The following DOCK1 variants were observed in gnomAD, a reference collection of about 807,000 sequenced individuals.
The protein encoded by DOCK1 is dedicator of cytokinesis 1.
DOCK1 carries 138 observed loss-of-function variants against 262.7 expected under a neutral mutation model. The ratio of observed to expected loss-of-function variants is 0.53; its 90% CI spans 0.46 to 0.61. The LOEUF (loss-of-function observed/expected upper bound fraction) is 0.61. Ranked by LOEUF, DOCK1 falls within the 20% of genes least tolerant of loss-of-function variation. The pLI is 0.00. For synonymous variants in DOCK1, 866 were observed against 867.4 expected, an observed-to-expected ratio of 1.00 and a Z score of 0.03; for missense variants, 1,908 against 2,370.7, an observed-to-expected ratio of 0.80 and a Z score of 4.05.
chr10:127,271,394 C>T (rs1306634214), intron 29 of DOCK1, among the ~76,000 whole-genome samples: 1 of 152,152 alleles, frequency 6.6e-6, no homozygotes, highest in Non-Finnish European at 1.5e-5. Context: ...AATATACTTT[C>T]TCCATCTTCA....
chr10:127,320,513 G>T (rs2062473124), intron 29 of DOCK1, among the ~76,000 whole-genome samples: 1 of 152,176 alleles, frequency 6.6e-6, no homozygotes, highest in Non-Finnish European at 1.5e-5. Context: ...CCGGAAAGAG[G>T]TCAGAGCTGG....
At chr10:127,105,985 G>A (rs1157127694) in intron 23 of DOCK1, among the ~76,000 whole-genome samples, 3 of 151,946 alleles carry the variant, frequency 2.0e-5, no homozygotes, top group Admixed American at 6.6e-5. Context: ...GGCTGGTCTC[G>A]AACTCCTGAG....
intron 29 of DOCK1, among the ~76,000 whole-genome samples, chr10:127,336,591 G>C (rs1382642816): frequency 6.7e-6 from 1 of 150,304 alleles, no homozygotes; most frequent in Admixed American, 6.6e-5. Context: ...CCAGGCTGGA[G>C]TGCAGTGGCG....
chr10:126,952,610 C>T (rs1384323423), intron 1 of DOCK1, among the ~76,000 whole-genome samples: 1 of 116,684 alleles, frequency 8.6e-6, no homozygotes, highest in African/African-American at 3.3e-5. Flanking sequence ...TGATGTTATT[C>T]TTGGTAGTAT....
chr10:127,179,538 C>T (rs1024704060), intron 27 of DOCK1, among the ~76,000 whole-genome samples: 2 of 152,028 alleles, frequency 1.3e-5, no homozygotes, highest in African/African-American at 4.8e-5. Flanking sequence ...TTCTTTCTGA[C>T]GGCTGGATGA....
At chr10:127,151,990 G>A (rs1311842896) in intron 27 of DOCK1, among the ~76,000 whole-genome samples, 3 of 144,976 alleles carry the variant, frequency 2.1e-5, no homozygotes, top group African/African-American at 7.7e-5. Flanking sequence ...AATTATTTCA[G>A]TTAGGTTAAA....
At chr10:127,408,560 C>G (rs538562552) in intron 40 of DOCK1, among the ~76,000 whole-genome samples, 1 of 152,210 alleles carries the variant, frequency 6.6e-6, no homozygotes, top group African/African-American at 2.4e-5. Flanking sequence ...GGGGCCCCAC[C>G]TTAGCTCAAG....
At chr10:127,278,051 C>G (rs118057882) in intron 29 of DOCK1, among the ~76,000 whole-genome samples, 8,730 of 152,272 alleles carry the variant, frequency 0.057, 324 homozygotes, top group Non-Finnish European at 0.086. Context: ...CATGCGCACA[C>G]GCTTCCCTCT....
At chr10:127,145,347 CAT>C (rs2051708691) in intron 27 of DOCK1, among the ~76,000 whole-genome samples, 3 of 152,318 alleles carry the variant, frequency 2.0e-5, no homozygotes, top group African/African-American at 7.2e-5. Context: ...GTCTATGAAG[CAT>C]ATCTTATGCC....
intron 27 of DOCK1, among the ~76,000 whole-genome samples, chr10:127,142,760 C>T (rs2051391137): frequency 6.6e-6 from 1 of 152,200 alleles, no homozygotes; most frequent in Non-Finnish European, 1.5e-5. Flanking sequence ...ACTCTGTGCC[C>T]TGGGGCTGTG....
chr10:127,022,867 G>A (rs2042541772), intron 13 of DOCK1, among the ~76,000 whole-genome samples: 1 of 152,278 alleles, frequency 6.6e-6, no homozygotes, highest in East Asian at 1.9e-4. Context: ...GGACAATGGT[G>A]TGGGCTGCCA....
At chr10:127,198,743 T>TG (rs2057327311) in intron 27 of DOCK1, among the ~76,000 whole-genome samples, 1 of 39,350 alleles carries the variant, frequency 2.5e-5, no homozygotes, top group East Asian at 6.2e-4. Context: ...TGGCATCGCT[T>TG]CTTTTTTTTT....
intron 29 of DOCK1, among the ~76,000 whole-genome samples, chr10:127,295,866 G>A (rs1277096865): frequency 1.3e-5 from 2 of 152,172 alleles, no homozygotes; most frequent in African/African-American, 2.4e-5. Context: ...TGTAACTAGA[G>A]TGTTGACAAC....
chr10:127,282,984 G>A (rs1041811891), intron 29 of DOCK1, among the ~76,000 whole-genome samples: 1 of 152,218 alleles, frequency 6.6e-6, no homozygotes, highest in African/African-American at 2.4e-5. Context: ...AGCTGACAGG[G>A]AAAGGTCTCC....
intron 8 of DOCK1, among the ~76,000 whole-genome samples, chr10:126,998,927 C>T (rs946140435): frequency 2.6e-5 from 4 of 152,170 alleles, no homozygotes; most frequent in African/African-American, 2.4e-5. Flanking sequence ...CAGAAAAATA[C>T]GAGTGGATTT....
intron 27 of DOCK1, chr10:127,137,857 A>G: frequency 6.2e-7 from 1 of 1,613,888 alleles, no homozygotes; most frequent in Non-Finnish European, 8.5e-7. Context: ...CAGAGTTTCC[A>G]TCTTCCGTGC....
intron 2 of DOCK1, among the ~76,000 whole-genome samples, chr10:126,975,219 A>G (rs1436208373): frequency 2.6e-5 from 4 of 151,884 alleles, no homozygotes; most frequent in African/African-American, 7.3e-5. Flanking sequence ...TGCACATTTC[A>G]TGTTTTACTA....
intron 39 of DOCK1, among the ~76,000 whole-genome samples, chr10:127,403,834 G>C (rs1000820135): frequency 2.6e-5 from 4 of 152,176 alleles, no homozygotes; most frequent in Non-Finnish European, 4.4e-5. Context: ...TCTGCCATGG[G>C]AATGCTGTTA....
Position 127,024,728 on chromosome 10 carries a change from A to T in DOCK1, c.1496A>T (p.Tyr499Phe). ...PGAGDEAISE[Y>F]KSVIYYQVKQ... ...GCTGGTGATGAAGCGATTTCAGAGTACAAATCTGTGATTTACTACCAAGTA... is the reference window on the plus strand; with the variant it reads ...GCTGGTGATGAAGCGATTTCAGAGTTCAAATCTGTGATTTACTACCAAGTA... Residue 499 changes from tyrosine (Y) to phenylalanine (F), a missense_variant, in exon 15 of 52, where the codon TAC becomes TTC. Coordinates refer to ENST00000623213, the MANE Select transcript of DOCK1 (RefSeq NM_001290223.2). 6.2e-7 allele frequency: 1 copy of T among 1,612,716 alleles called. No individual in the cohort carries two copies. The highest frequency in any genetic ancestry group is 1.1e-5 in the South Asian group (1 of 90,454).
Sources: gnomAD v4.1 joint callset for allele counts (sites outside exome capture counted in the v4.1 genomes callset) on GRCh38, gnomAD v4.1.1 for gene constraint, MANE v1.5 for transcripts, NCBI Gene and HGNC (gene_info 2026-07-23, HGNC 2026-07-21) for gene names.